Variants in MSN observed in about 807,000 individuals in gnomAD.
MSN encodes the protein epididymis luminal protein 70.
A neutral mutation model predicts 48.0 loss-of-function variants in MSN; 2 were observed. The observed-to-expected ratio is 0.04, with a 90% CI of 0.02 to 0.13. MSN has a LOEUF of 0.13. Among genes scored for constraint, MSN ranks in the 10% least tolerant of loss-of-function variants. The pLI, the probability that MSN is intolerant of heterozygous loss-of-function variation, is 1.00. For synonymous variants in MSN, 146 were observed against 166.9 expected (o/e 0.87, Z 0.97); for missense variants, 267 against 470.1 (o/e 0.57, Z 3.99).
At chrX:65,597,843 G>A (rs2070199584) in intron 1 of MSN, among the ~76,000 whole-genome samples, 1 of 112,096 alleles carries the variant, frequency 8.9e-6, no homozygotes, top group Non-Finnish European at 1.9e-5. Context: ...GAAGACAGTA[G>A]GAATATAGTT....
chrX:65,593,981 G>A (rs1206898919), intron 1 of MSN, among the ~76,000 whole-genome samples: 1 of 112,499 alleles, frequency 8.9e-6, no homozygotes, highest in African/African-American at 3.2e-5. Flanking sequence ...TTGAGGAAGG[G>A]AAGGAGACAG....
chrX:65,695,507 CAAAAAAAAAAAAAAA>C (rs759652563), intron 1 of MSN, among the ~76,000 whole-genome samples: 1 of 12,963 alleles, frequency 7.7e-5, no homozygotes, highest in Admixed American at 1.1e-3. Context: ...AACTCTGTCT[CAAAAAAAAAAAAAAA>C]AAAAAAAAAA....
chrX:65,707,702 G>A (rs770899728), intron 1 of MSN, among the ~76,000 whole-genome samples: 4 of 112,353 alleles, frequency 3.6e-5, no homozygotes, highest in Non-Finnish European at 7.5e-5. Flanking sequence ...AGAGAGCAGC[G>A]TCTAGGCCCG....
chrX:65,688,095 TA>T (rs1373421411), intron 1 of MSN, among the ~76,000 whole-genome samples: 1 of 112,354 alleles, frequency 8.9e-6, no homozygotes, highest in African/African-American at 3.2e-5. Context: ...CATTGCCCTG[TA>T]ATTTTTTTCC....
At chrX:65,608,999 C>T (rs2070299213) in intron 1 of MSN, among the ~76,000 whole-genome samples, 1 of 110,526 alleles carries the variant, frequency 9.0e-6, no homozygotes, top group African/African-American at 3.3e-5. Context: ...GTTTTGCCTG[C>T]TTAACACCAA....
upstream of MSN, among the ~76,000 whole-genome samples, chrX:65,663,389 A>C (rs1320271555): frequency 9.0e-6 from 1 of 111,271 alleles, no homozygotes; most frequent in Non-Finnish European, 1.9e-5. Context: ...TCTAACCCAC[A>C]ATCTAACAGA....
At chrX:65,691,802 G>T (rs1000285093) in intron 1 of MSN, among the ~76,000 whole-genome samples, 1 of 112,056 alleles carries the variant, frequency 8.9e-6, no homozygotes, top group Non-Finnish European at 1.9e-5. Context: ...CACTGTTCCC[G>T]GCTCTTTTCT....
chrX:65,627,601 T>C, intron 1 of MSN, among the ~76,000 whole-genome samples: 1 of 110,739 alleles, frequency 9.0e-6, no homozygotes, highest in East Asian at 2.9e-4. Flanking sequence ...ATTCTAGGAG[T>C]TACAGTTAAA....
At chrX:65,603,115 G>T (rs1390237241) in intron 1 of MSN, among the ~76,000 whole-genome samples, 1 of 111,793 alleles carries the variant, frequency 8.9e-6, no homozygotes, top group Non-Finnish European at 1.9e-5. Flanking sequence ...CGAACATGGT[G>T]AAACCTCGTC....
At chrX:65,651,561 T>TTTTTTATTATTA (rs1234656209) in intron 1 of MSN, among the ~76,000 whole-genome samples, 3 of 94,531 alleles carry the variant, frequency 3.2e-5, no homozygotes, top group African/African-American at 1.2e-4. Context: ...AGAAGTAATA[T>TTTTTTATTATTA]TTATTATTAT....
chrX:65,636,776 C>CAAAAAAA (rs2070604946), intron 1 of MSN, among the ~76,000 whole-genome samples: 9 of 82,868 alleles, frequency 1.1e-4, no homozygotes, highest in African/African-American at 4.8e-4. Context: ...AAAAAAAAAC[C>CAAAAAAA]AGAAAGAAAG....
intron 1 of MSN, among the ~76,000 whole-genome samples, chrX:65,595,454 G>A (rs1207121416): frequency 8.9e-6 from 1 of 111,991 alleles, no homozygotes; most frequent in Non-Finnish European, 1.9e-5. Context: ...TTCTTATCTG[G>A]ATGTCTCTCA....
At chrX:65,599,030 T>C (rs2070209290) in intron 1 of MSN, among the ~76,000 whole-genome samples, 1 of 110,981 alleles carries the variant, frequency 9.0e-6, no homozygotes, top group Admixed American at 9.6e-5. Flanking sequence ...CTCACGCCGG[T>C]AATCCCGGCA....
intron 1 of MSN, among the ~76,000 whole-genome samples, chrX:65,621,376 C>T (rs1331698153): frequency 2.7e-5 from 3 of 112,069 alleles, no homozygotes; most frequent in Non-Finnish European, 5.6e-5. Flanking sequence ...TTCTTTCCCC[C>T]AGTGAATGGT....
At chrX:65,729,391 C>T (rs2071599533) in intron 3 of MSN, 47 bp from the exon 4 acceptor site, 2 of 1,179,163 alleles carry the variant, frequency 1.7e-6, no homozygotes, top group African/African-American at 1.8e-5. Flanking sequence ...CACTCCATTA[C>T]CCTTAAAACC....
At chrX:65,628,215 G>A (rs2070524182) in intron 1 of MSN, among the ~76,000 whole-genome samples, 1 of 112,979 alleles carries the variant, frequency 8.9e-6, no homozygotes, top group South Asian at 3.6e-4. Context: ...GGGGGCTCCA[G>A]CCCCACATTT....
At chrX:65,621,643 G>A (rs772053042) in intron 1 of MSN, among the ~76,000 whole-genome samples, 1 of 111,473 alleles carries the variant, frequency 9.0e-6, no homozygotes, top group Admixed American at 9.5e-5. Context: ...TTGAGGATTA[G>A]CCTTCCCATT....
intron 1 of MSN, among the ~76,000 whole-genome samples, chrX:65,616,934 C>G (rs2070378858): frequency 9.0e-6 from 1 of 110,800 alleles, no homozygotes; most frequent in African/African-American, 3.3e-5. Flanking sequence ...TGAATTTTGT[C>G]AAAGGCCTTT....
intron 1 of MSN, among the ~76,000 whole-genome samples, chrX:65,698,351 T>C (rs1339846888): frequency 8.9e-6 from 1 of 111,960 alleles, no homozygotes; most frequent in Non-Finnish European, 1.9e-5. Context: ...GGGCCCAGGC[T>C]GCTCACTGTA....
Sources: allele counts gnomAD v4.1 joint callset (sites outside exome capture counted in the v4.1 genomes callset), GRCh38; gene constraint gnomAD v4.1.1; transcripts MANE v1.5; gene names NCBI Gene and HGNC (gene_info 2026-07-23, HGNC 2026-07-21).